The following PPP1R1C variants were observed in gnomAD, a reference collection of about 807,000 sequenced individuals.
PPP1R1C encodes protein phosphatase 1 regulatory inhibitor subunit 1C.
PPP1R1C carries 15 observed loss-of-function variants against 17.4 expected under a neutral mutation model. The observed-to-expected ratio is 0.86, with a 90% CI of 0.58 to 1.33. The LOEUF is 1.33. Among genes scored for constraint, PPP1R1C ranks in the 40% most tolerant of loss-of-function variants. The pLI is 0.00. For synonymous variants in PPP1R1C, 35 were observed against 43.1 expected, an observed-to-expected ratio of 0.81 and a Z score of 0.73; for missense variants, 143 against 130.0, an observed-to-expected ratio of 1.10 and a Z score of -0.48.
chr2:182,000,093 A>G (rs1345908475), intron 2 of PPP1R1C, among the ~76,000 whole-genome samples: 1 of 152,188 alleles, frequency 6.6e-6, no homozygotes, highest in Non-Finnish European at 1.5e-5. Flanking sequence ...CACTCCAGCT[A>G]GAAGGTTTTG....
rs755949603 is a variant in PPP1R1C at position 181,974,295 on chromosome 2, TCTTA to T, written n.112-920_112-917del. Reference sequence around the variant, plus strand: ...CAGAAGATTATACTCTGAGAATATTTCTTACTTGATATTTATCTATGTTACATAA... The same window carrying T: ...CAGAAGATTATACTCTGAGAATATTTCTTGATATTTATCTATGTTACATAA... On this transcript the variant is annotated intron_variant and non_coding_transcript_variant, in intron 1 of 5. Transcript: ENST00000464264. Among the ~76,000 whole-genome samples, 186 of 152,304 alleles carry T rather than the reference TCTTA, an allele frequency of 1.2e-3. 1 individual carries two copies. The highest frequency in any genetic ancestry group is 3.5e-3 in the Admixed American group (53 of 15,294).
At chr2:181,997,185 C>T (rs1349983877) in intron 2 of PPP1R1C, among the ~76,000 whole-genome samples, 2 of 149,732 alleles carry the variant, frequency 1.3e-5, no homozygotes, top group African/African-American at 4.9e-5. Flanking sequence ...ATTGACATTG[C>T]GCCACTGCAC....
chr2:182,063,806 CT>C lies in PPP1R1C; in HGVS notation c.241+16del, dbSNP rs1365204044. On this transcript the variant is annotated intron_variant, in intron 4 of 4. Coordinates refer to ENST00000682840, the MANE Select transcript of PPP1R1C (RefSeq NM_001080545.3). ...CACCATAAAAGGTACTGTTCAGGTACTGTTTCGGGTTGTCATGAGTGGTGAA... is the reference window on the plus strand; with the variant it reads ...CACCATAAAAGGTACTGTTCAGGTACGTTTCGGGTTGTCATGAGTGGTGAA... The C allele has an allele frequency of 1.2e-6, 2 of 1,609,418 alleles. No individual in the cohort carries two copies. The highest frequency in any genetic ancestry group is 4.5e-5 in the East Asian group (2 of 44,862).
intron 4 of PPP1R1C, among the ~76,000 whole-genome samples, chr2:182,110,587 G>A (rs1240274252): frequency 6.6e-6 from 1 of 152,132 alleles, no homozygotes; most frequent in African/African-American, 2.4e-5. Flanking sequence ...AGAGGACAGA[G>A]CCTTTAAAAT....
intron 2 of PPP1R1C, among the ~76,000 whole-genome samples, chr2:182,007,043 A>G (rs1685944625): frequency 1.3e-5 from 2 of 152,222 alleles, no homozygotes; most frequent in South Asian, 4.1e-4. Context: ...ATACTTAAAA[A>G]ACTAAAACAA....
chr2:182,053,881 A>G (rs1407098732), intron 2 of PPP1R1C, among the ~76,000 whole-genome samples: 1 of 151,966 alleles, frequency 6.6e-6, no homozygotes, highest in African/African-American at 2.4e-5. Flanking sequence ...CCCAGGTTCA[A>G]GTGATTCTCC....
At chr2:182,074,041 CTTT>C (rs554848749) in intron 4 of PPP1R1C, among the ~76,000 whole-genome samples, 14 of 131,140 alleles carry the variant, frequency 1.1e-4, no homozygotes, top group Admixed American at 2.3e-4. Flanking sequence ...AATTCTTCTT[CTTT>C]TTTTTTTTTT....
chr2:182,008,501 T>C (rs1685996755), intron 2 of PPP1R1C, among the ~76,000 whole-genome samples: 1 of 152,178 alleles, frequency 6.6e-6, no homozygotes. Flanking sequence ...AGCGACATAA[T>C]GTTTGTGAAA....
downstream of PPP1R1C, among the ~76,000 whole-genome samples, chr2:182,118,530 G>A (rs1034120899): frequency 2.2e-4 from 34 of 152,010 alleles, 1 homozygote; most frequent in Admixed American, 1.6e-3. Context: ...ATGAAGGCAG[G>A]AAGAAAAAAT....
At chr2:182,046,093 T>TTTTC (rs761198078) in intron 2 of PPP1R1C, among the ~76,000 whole-genome samples, 3 of 144,014 alleles carry the variant, frequency 2.1e-5, no homozygotes, top group African/African-American at 7.9e-5. Context: ...CCCTCCTACA[T>TTTTC]TTCCTTCCTT....
chr2:181,982,204 A>T (rs1373432578), upstream of PPP1R1C, among the ~76,000 whole-genome samples: 1 of 152,242 alleles, frequency 6.6e-6, no homozygotes, highest in East Asian at 1.9e-4. Context: ...TAACAATTAA[A>T]AAACAAGTAT....
chr2:182,128,176 C>T (rs141747781), intron 5 of PPP1R1C, among the ~76,000 whole-genome samples: 10 of 152,180 alleles, frequency 6.6e-5, no homozygotes, highest in African/African-American at 2.4e-4. Flanking sequence ...AGTCCTTAAA[C>T]TCATGGGTGT....
At chr2:181,960,094 C>T (rs1300667332) in intron 1 of PPP1R1C, among the ~76,000 whole-genome samples, 1 of 152,186 alleles carries the variant, frequency 6.6e-6, no homozygotes, top group Non-Finnish European at 1.5e-5. Flanking sequence ...TATAAAGCAT[C>T]TGCCCTCGAT....
At chr2:182,124,214 A>G (rs1170143302) in intron 5 of PPP1R1C, among the ~76,000 whole-genome samples, 2 of 149,082 alleles carry the variant, frequency 1.3e-5, no homozygotes, top group Non-Finnish European at 3.0e-5. Flanking sequence ...CTTGGTCTAT[A>G]TATCTGTTTT....
chr2:182,024,997 A>C (rs1574387126), intron 2 of PPP1R1C, among the ~76,000 whole-genome samples: 1 of 150,068 alleles, frequency 6.7e-6, no homozygotes, highest in Admixed American at 6.6e-5. Flanking sequence ...TTGGGTGAGG[A>C]ATATACACTA....
intron 5 of PPP1R1C, among the ~76,000 whole-genome samples, chr2:182,126,067 A>G (rs2125243077): frequency 6.6e-6 from 1 of 152,082 alleles, no homozygotes; most frequent in East Asian, 1.9e-4. Context: ...ACTGGTTTTA[A>G]ATATTGTCAT....
At position 181,967,231 on chromosome 2, in the gene PPP1R1C, A is replaced by C. The variant is rs187182340; in HGVS notation, n.112-7988A>C. On this transcript the variant is annotated intron_variant and non_coding_transcript_variant, in intron 1 of 5. Coordinates refer to the PPP1R1C transcript ENST00000464264. The surrounding 1 kb of genome is among the most constrained non-coding windows in gnomAD (Gnocchi z 5.5). ...GTCTGGCTAAAAGTTTGTTGGTTTT[A>C]TCTTTTCAAAAAACCAAATTTTCCC... is the stretch of plus-strand genomic sequence containing the variant. 6.6e-6 allele frequency among the ~76,000 whole-genome samples: 1 copy of C among 152,006 alleles called. No homozygotes were observed. The highest frequency in any genetic ancestry group is 6.5e-5 in the Admixed American group (1 of 15,286).
chr2:182,019,139 A>G (rs1345694091), intron 2 of PPP1R1C, among the ~76,000 whole-genome samples: 1 of 152,196 alleles, frequency 6.6e-6, no homozygotes, highest in East Asian at 1.9e-4. Flanking sequence ...ATAAGACCAA[A>G]TGTAGAGATT....
chr2:182,021,321 CTTTT>C (rs71008205), intron 2 of PPP1R1C, among the ~76,000 whole-genome samples: 18,115 of 89,652 alleles, frequency 0.2, 2,608 homozygotes, highest in Non-Finnish European at 0.24. Context: ...CTCTCTCTCT[CTTTT>C]TTTTTTTTTT....
Sources: allele counts gnomAD v4.1 joint callset (sites outside exome capture counted in the v4.1 genomes callset), GRCh38; gene constraint gnomAD v4.1.1; non-coding constraint Gnocchi (gnomAD v3.1); transcripts MANE v1.5; gene names NCBI Gene and HGNC (gene_info 2026-07-23, HGNC 2026-07-21).